Variants in ARL8B observed in about 807,000 individuals in gnomAD.
ARL8B encodes the protein ADP-ribosylation factor-like protein 8B.
Under a neutral mutation model 30.6 loss-of-function variants are expected in ARL8B, and 9 were observed. The ratio of observed to expected loss-of-function variants is 0.29; its 90% CI spans 0.18 to 0.51. The LOEUF (loss-of-function observed/expected upper bound fraction) is 0.51, where lower values mean the gene tolerates loss of function less well. Ranked by LOEUF, ARL8B falls within the 20% of genes least tolerant of loss-of-function variation. The probability of loss-of-function intolerance (pLI) is 0.97; values close to 1 mark genes in which losing one functional copy is unlikely to be tolerated. For synonymous variants in ARL8B, 74 were observed against 76.0 expected, an observed-to-expected ratio of 0.97 and a Z score of 0.14; for missense variants, 130 against 227.2, an observed-to-expected ratio of 0.57 and a Z score of 2.75.
chr3:5,176,294 G>A (rs1409564174), intron 6 of ARL8B, among the ~76,000 whole-genome samples: 1 of 152,072 alleles, frequency 6.6e-6, no homozygotes, highest in Non-Finnish European at 1.5e-5. Context: ...GCAGTGGCAA[G>A]ATCTTAGCTC....
At chr3:5,163,146 C>G (rs1405946325) in intron 1 of ARL8B, among the ~76,000 whole-genome samples, 8 of 152,040 alleles carry the variant, frequency 5.3e-5, no homozygotes, top group Non-Finnish European at 1.5e-5. Flanking sequence ...TGCCACCACA[C>G]CCAGCTAATT....
chr3:5,150,492 A>AAATAAATG (rs1470790553), intron 1 of ARL8B, among the ~76,000 whole-genome samples: 1 of 151,626 alleles, frequency 6.6e-6, no homozygotes, highest in South Asian at 2.1e-4. Context: ...ATAAATAAAT[A>AAATAAATG]AAGTTTGGAG....
At chr3:5,177,780 G>C (rs1462173087) in intron 6 of ARL8B, among the ~76,000 whole-genome samples, 1 of 152,134 alleles carries the variant, frequency 6.6e-6, no homozygotes, top group African/African-American at 2.4e-5. Context: ...TTTAAATTTG[G>C]TTATTTCACT....
chr3:5,143,678 G>A (rs2054395392), intron 1 of ARL8B, among the ~76,000 whole-genome samples: 1 of 152,246 alleles, frequency 6.6e-6, no homozygotes, highest in Non-Finnish European at 1.5e-5. Context: ...GGTGGAGCTT[G>A]TCTTCTTAAC....
intron 1 of ARL8B, among the ~76,000 whole-genome samples, chr3:5,156,562 C>A (rs141741505): frequency 3.9e-5 from 6 of 152,142 alleles, no homozygotes; most frequent in Admixed American, 3.3e-4. Context: ...ATTACAGGCA[C>A]ACACCACCAT....
intron 1 of ARL8B, among the ~76,000 whole-genome samples, chr3:5,146,157 T>A (rs961699575): frequency 6.6e-6 from 1 of 152,166 alleles, no homozygotes; most frequent in African/African-American, 2.4e-5. Flanking sequence ...TTCTCCCAGT[T>A]GTAGGATTTT....
chr3:5,139,541 T>A (rs932517889), intron 1 of ARL8B, among the ~76,000 whole-genome samples: 1 of 152,214 alleles, frequency 6.6e-6, no homozygotes, highest in Non-Finnish European at 1.5e-5. Flanking sequence ...GATCTGAGTG[T>A]CATTAGGAGC....
At chr3:5,163,688 G>A (rs2054600610) in intron 1 of ARL8B, among the ~76,000 whole-genome samples, 1 of 152,134 alleles carries the variant, frequency 6.6e-6, no homozygotes, top group African/African-American at 2.4e-5. Flanking sequence ...TGGCCAACAT[G>A]GCGAAACCCC....
intron 1 of ARL8B, among the ~76,000 whole-genome samples, chr3:5,167,706 A>G (rs143111782): frequency 3.1e-4 from 47 of 152,374 alleles, no homozygotes; most frequent in African/African-American, 1.1e-3. Flanking sequence ...GGATTAAACT[A>G]TGCTGATGAA....
At chr3:5,169,750 T>C (rs1342022367) in intron 1 of ARL8B, among the ~76,000 whole-genome samples, 2 of 152,202 alleles carry the variant, frequency 1.3e-5, no homozygotes, top group African/African-American at 2.4e-5. Context: ...TTTTCACATA[T>C]AATCACATAT....
chr3:5,140,906 C>T lies in ARL8B; in HGVS notation c.123+18318C>T, dbSNP rs147852323. On this transcript the variant is annotated intron_variant, in intron 1 of 6. Transcript: ENST00000256496. ...ACAGCGGAAGCAAGACTTTTATTGG[C>T]GGTCTTGCAAGATCTGGTGTCTGGT... 4.5e-3 allele frequency among the ~76,000 whole-genome samples: 692 copies of T among 152,266 alleles called. 1 individual carries two copies. Among genetic ancestry groups the T allele is most frequent in the Middle Eastern group, 0.014 (4 of 294 alleles).
At chr3:5,133,356 C>T (rs978970531) in intron 1 of ARL8B, among the ~76,000 whole-genome samples, 8 of 152,076 alleles carry the variant, frequency 5.3e-5, no homozygotes, top group African/African-American at 1.7e-4. Flanking sequence ...AGAGACCATC[C>T]GCAAGGAAAT....
At chr3:5,135,153 A>G (rs1196342022) in intron 1 of ARL8B, among the ~76,000 whole-genome samples, 1 of 152,024 alleles carries the variant, frequency 6.6e-6, no homozygotes, top group Non-Finnish European at 1.5e-5. Context: ...CTGGCCTACT[A>G]TGTTATTCTT....
intron 1 of ARL8B, 141 bp downstream of exon 1, chr3:5,122,729 C>T: frequency 1.0e-6 from 1 of 973,522 alleles, no homozygotes; most frequent in South Asian, 1.8e-5. Context: ...TGTCATCTCC[C>T]GAGGGCCAGC....
At chr3:5,158,947 G>A (rs1238200964) in intron 1 of ARL8B, among the ~76,000 whole-genome samples, 1 of 152,074 alleles carries the variant, frequency 6.6e-6, no homozygotes, top group Non-Finnish European at 1.5e-5. Flanking sequence ...CTCCGTAAGG[G>A]ATTTATTTGT....
chr3:5,169,305 TTG>T (rs10575722), intron 1 of ARL8B, among the ~76,000 whole-genome samples: 31,888 of 142,538 alleles, frequency 0.22, 3,461 homozygotes, highest in Non-Finnish European at 0.27. Context: ...AATACAGTGT[TTG>T]TGTGTGTGTG....
intron 1 of ARL8B, among the ~76,000 whole-genome samples, chr3:5,146,972 A>T (rs2054423804): frequency 6.6e-6 from 1 of 150,508 alleles, no homozygotes; most frequent in Non-Finnish European, 1.5e-5. Flanking sequence ...GGAACCTCTG[A>T]CCCCAATAGT....
intron 1 of ARL8B, among the ~76,000 whole-genome samples, chr3:5,169,113 T>C (rs763368092): frequency 1.3e-4 from 20 of 152,130 alleles, no homozygotes; most frequent in Non-Finnish European, 2.4e-4. Context: ...ACACAAAGTA[T>C]CATCTTAGTC....
At chr3:5,136,387 A>G (rs748445972) in intron 1 of ARL8B, among the ~76,000 whole-genome samples, 1 of 152,210 alleles carries the variant, frequency 6.6e-6, no homozygotes, top group Non-Finnish European at 1.5e-5. Context: ...TGTTCCATAA[A>G]ATAGATGAGT....
Sources: allele counts gnomAD v4.1 joint callset (sites outside exome capture counted in the v4.1 genomes callset), GRCh38; gene constraint gnomAD v4.1.1; transcripts MANE v1.5; gene names NCBI Gene and HGNC (gene_info 2026-07-23, HGNC 2026-07-21).